Variants in WDFY3 observed in about 807,000 individuals in gnomAD.
WDFY3 encodes the protein WD repeat and FYVE domain containing 3.
Under a neutral mutation model 409.6 loss-of-function variants are expected in WDFY3, and 66 were observed. The ratio of observed to expected loss-of-function variants is 0.16; its 90% CI spans 0.13 to 0.20. The LOEUF is 0.20. Among genes scored for constraint, WDFY3 ranks in the 10% least tolerant of loss-of-function variants. The pLI is 1.00. For missense variants in WDFY3, 3,031 were observed against 4,298.1 expected (o/e 0.71, Z 8.24); for synonymous variants, 1,521 against 1,537.1 (o/e 0.99, Z 0.25).
intron 9 of WDFY3, among the ~76,000 whole-genome samples, chr4:84,828,769 C>T (rs1363634426): frequency 6.6e-6 from 1 of 152,022 alleles, no homozygotes; most frequent in Non-Finnish European, 1.5e-5. Flanking sequence ...TGTGGTGGTA[C>T]GTGCCTGTAG....
At chr4:84,839,717 G>A (rs1261234281) in intron 6 of WDFY3, among the ~76,000 whole-genome samples, 2 of 152,072 alleles carry the variant, frequency 1.3e-5, no homozygotes, top group Non-Finnish European at 2.9e-5. Context: ...AATTAGCTGG[G>A]TGTGGTGGCG....
intron 21 of WDFY3, among the ~76,000 whole-genome samples, chr4:84,792,264 G>C (rs16995923): frequency 0.15 from 23,490 of 152,116 alleles, 2,025 homozygotes; most frequent in South Asian, 0.29. Flanking sequence ...TTATCCATGA[G>C]GTGACTTGAT....
chr4:84,794,614 GA>G lies in WDFY3; in HGVS notation c.3391del (p.Ser1131LeufsTer11). On this transcript the variant is annotated frameshift_variant, in exon 21 of 68. Coordinates refer to ENST00000295888, the MANE Select transcript of WDFY3 (RefSeq NM_014991.6). LOFTEE classifies it high-confidence loss of function. ...AAGGCACACGTAATGTTGCTCAGAA[GA>G]ATTTGCTCGGCGCACAACAGTAAGA... The part of the protein sequence containing the change: ...RLLTVVRRAN[S>X]SEQHYVCLAI... 1 of 1,614,100 alleles carries G rather than the reference GA, an allele frequency of 6.2e-7. No individual in the cohort carries two copies. The highest frequency in any genetic ancestry group is 8.5e-7 in the Non-Finnish European group (1 of 1,180,018).
At chr4:84,953,558 AT>A (rs978749076) in intron 1 of WDFY3, among the ~76,000 whole-genome samples, 2 of 152,192 alleles carry the variant, frequency 1.3e-5, no homozygotes, top group African/African-American at 4.8e-5. Flanking sequence ...AATAAAATGT[AT>A]TTTTTTAAAA....
At chr4:84,885,358 G>GTC (rs1403441889) in intron 3 of WDFY3, among the ~76,000 whole-genome samples, 1 of 149,888 alleles carries the variant, frequency 6.7e-6, no homozygotes, top group Non-Finnish European at 1.5e-5. Context: ...GTGTGTGTGT[G>GTC]TGTGTGTGTA....
chr4:84,921,414 A>G (rs1464974540), intron 2 of WDFY3, among the ~76,000 whole-genome samples: 2 of 152,038 alleles, frequency 1.3e-5, no homozygotes, highest in Non-Finnish European at 2.9e-5. Context: ...AGAAAACTCT[A>G]TTAGTAAAAC....
At chr4:84,925,502 G>A (rs909636012) in intron 2 of WDFY3, among the ~76,000 whole-genome samples, 1 of 152,140 alleles carries the variant, frequency 6.6e-6, no homozygotes, top group Non-Finnish European at 1.5e-5. Context: ...AAAAAGAGAG[G>A]AAGAGTGAAA....
chr4:84,956,141 G>A (rs1579284507), intron 1 of WDFY3, among the ~76,000 whole-genome samples: 1 of 152,188 alleles, frequency 6.6e-6, no homozygotes, highest in African/African-American at 2.4e-5. Flanking sequence ...AAACATGCTA[G>A]GAAGAAACAT....
At chr4:84,713,107 A>C (rs1733223357) in intron 51 of WDFY3, 52 bp downstream of exon 51, 5 of 1,578,216 alleles carry the variant, frequency 3.2e-6, no homozygotes, top group Non-Finnish European at 4.4e-6. Context: ...CCAGATATGA[A>C]TCATCCCAAC....
At chr4:84,742,449 G>A (rs1460215187) in intron 37 of WDFY3, among the ~76,000 whole-genome samples, 2 of 152,098 alleles carry the variant, frequency 1.3e-5, no homozygotes, top group Admixed American at 6.6e-5. Context: ...TCTTTCTAAA[G>A]CTATCCGAGT....
chr4:84,837,543 T>C (rs1472569382), intron 6 of WDFY3, among the ~76,000 whole-genome samples: 1 of 152,166 alleles, frequency 6.6e-6, no homozygotes, highest in Non-Finnish European at 1.5e-5. Context: ...TGTATATTCA[T>C]TGCTGCTTTA....
In WDFY3 at chr4:84,692,901, A is replaced by G; in HGVS notation, c.9033T>C (p.Ser3011=). 1.2e-6 allele frequency: 2 copies of G among 1,608,140 alleles called. No homozygotes were observed. The highest frequency in any genetic ancestry group is 1.7e-6 in the Non-Finnish European group (2 of 1,178,794). The change falls in exon 59 of 68, where the codon TCT becomes TCC. Residue 3011 remains serine, a synonymous_variant. Transcript: ENST00000295888. ...TTATTTTACCTTTTACAGGTGTTAG[A>G]GAAGGCCTCAAGTTGTCTAGATGAT... is the stretch of plus-strand genomic sequence containing the variant. ...FFHHLDNLRP[S]LTPVKELKEP...
intron 67 of WDFY3, among the ~76,000 whole-genome samples, chr4:84,673,203 TTGAC>T (rs2148695941): frequency 6.6e-6 from 1 of 152,288 alleles, no homozygotes; most frequent in African/African-American, 2.4e-5. Context: ...AGCTATTTCT[TTGAC>T]TGACAAGAAT....
chr4:84,737,328 T>C lies in WDFY3; in HGVS notation c.6613A>G (p.Thr2205Ala). 1 of 1,601,876 alleles carries C rather than the reference T, an allele frequency of 6.2e-7. No individual in the cohort carries two copies. Among genetic ancestry groups the C allele is most frequent in the Admixed American group, 1.7e-5 (1 of 57,802 alleles). Reference protein sequence around the residue: ...LLIKAVNRVWTELIHSKKQVL... With the variant: ...LLIKAVNRVWAELIHSKKQVL... ...TGTTTCTTACTATGTATCAGTTCAG[T>C]CCAAACTCTGTTGACAGCTTTTATG... The change falls in exon 41 of 68, where the codon ACT (threonine) becomes GCT (alanine). Residue 2205 changes from threonine to alanine, a missense_variant. This residue lies in a region of WDFY3 where 314 missense variants were observed against 397.4 expected (regional missense o/e 0.79). Coordinates refer to ENST00000295888, the MANE Select transcript of WDFY3 (RefSeq NM_014991.6).
intron 47 of WDFY3, among the ~76,000 whole-genome samples, chr4:84,720,293 G>A (rs1734636964): frequency 6.6e-6 from 1 of 152,106 alleles, no homozygotes; most frequent in Non-Finnish European, 1.5e-5. Context: ...AGCCTGAGTA[G>A]CAAAAGAGTC....
intron 13 of WDFY3, among the ~76,000 whole-genome samples, chr4:84,816,972 T>C (rs914926470): frequency 6.6e-6 from 1 of 152,260 alleles, no homozygotes; most frequent in South Asian, 2.1e-4. Context: ...ACTCCTGGTA[T>C]ATTGTTTGAT....
At chr4:84,673,635 T>C (rs1048536837) in intron 67 of WDFY3, among the ~76,000 whole-genome samples, 8 of 152,294 alleles carry the variant, frequency 5.3e-5, no homozygotes, top group African/African-American at 1.9e-4. Context: ...CTAGAACTGT[T>C]TGAAGGAGAC....
intron 56 of WDFY3, among the ~76,000 whole-genome samples, chr4:84,701,238 T>C (rs1431027972): frequency 6.6e-6 from 1 of 152,248 alleles, no homozygotes; most frequent in Non-Finnish European, 1.5e-5. Flanking sequence ...CCTAAAGTTG[T>C]GTCTTTAGCT....
chr4:84,804,689 AT>A lies in WDFY3; in HGVS notation c.2430-1223del, dbSNP rs576493472. Among the ~76,000 whole-genome samples, 793 of 152,310 alleles carry A rather than the reference AT, an allele frequency of 5.2e-3. 8 individuals are homozygous for A. Among genetic ancestry groups the A allele is most frequent in the Non-Finnish European group, 8.0e-3 (543 of 68,016 alleles). On this transcript the variant is annotated intron_variant, in intron 15 of 67. Transcript: ENST00000295888. ...TATTGCTCCCTTTATTCTTTTAAAT[AT>A]TTTGATCCATCTAGAAAAAAGATTC...
Sources: gnomAD v4.1 joint callset for allele counts (sites outside exome capture counted in the v4.1 genomes callset) on GRCh38, gnomAD v4.1.1 for gene constraint, gnomAD v4.1.1 regional missense constraint, MANE v1.5 for transcripts, NCBI Gene and HGNC (gene_info 2026-07-23, HGNC 2026-07-21) for gene names.